Variants in TIAM2 observed in about 807,000 individuals in gnomAD.
TIAM2 encodes the protein TIAM Rac1 associated GEF 2.
Under a neutral mutation model 152.9 loss-of-function variants are expected in TIAM2, and 80 were observed. That is an observed-to-expected ratio of 0.52 (90% CI 0.44 to 0.63). The LOEUF is 0.63. Ranked by LOEUF, TIAM2 falls within the 30% of genes least tolerant of loss-of-function variation. The pLI is 0.00. For missense variants in TIAM2, 1,965 were observed against 2,120.1 expected (o/e 0.93, Z 1.44); for synonymous variants, 804 against 838.0 (o/e 0.96, Z 0.70).
chr6:155,256,558 T>C lies in TIAM2; in HGVS notation c.4543T>C (p.Leu1515=). 6.2e-7 allele frequency: 1 copy of C among 1,614,212 alleles called. No homozygotes were observed. The highest frequency in any genetic ancestry group is 8.5e-7 in the Non-Finnish European group (1 of 1,180,028). Residue 1515 remains leucine, a synonymous_variant, in exon 27 of 27, where the codon TTG becomes CTG. Coordinates refer to ENST00000682666, the MANE Select transcript of TIAM2 (RefSeq NM_012454.4). ...EWTGETGKGT[L]LDSDEGSLSS... is the part of the protein sequence containing the mutation. The stretch of plus-strand genomic sequence containing the variant: ...GACCGGTGAGACTGGCAAGGGAACC[T>C]TGCTGGACTCTGACGAGGGCAGCTT...
At chr6:155,074,005 A>G (rs986923404) in intron 1 of TIAM2, among the ~76,000 whole-genome samples, 3 of 152,108 alleles carry the variant, frequency 2.0e-5, no homozygotes, top group African/African-American at 7.2e-5. Context: ...CTTGTTGGGA[A>G]CTCAACGCTT....
At chr6:155,055,242 A>T (rs1490866593) in intron 1 of TIAM2, among the ~76,000 whole-genome samples, 1 of 152,190 alleles carries the variant, frequency 6.6e-6, no homozygotes, top group Non-Finnish European at 1.5e-5. Flanking sequence ...CACTTGCTGA[A>T]ATCAAAGTAC....
At chr6:155,086,754 A>T (rs75885316) in intron 1 of TIAM2, among the ~76,000 whole-genome samples, 31 of 150,850 alleles carry the variant, frequency 2.1e-4, no homozygotes, top group African/African-American at 7.5e-4. Context: ...AATGACCAGT[A>T]GTTAAGCTGC....
intron 1 of TIAM2, among the ~76,000 whole-genome samples, chr6:155,034,716 T>C (rs1373965220): frequency 6.6e-6 from 1 of 152,216 alleles, no homozygotes; most frequent in Non-Finnish European, 1.5e-5. Context: ...TGAGAGCCCA[T>C]GTTTGATTCC....
intron 2 of TIAM2, among the ~76,000 whole-genome samples, chr6:155,113,585 G>C (rs73004919): frequency 3.3e-5 from 5 of 151,978 alleles, no homozygotes; most frequent in Non-Finnish European, 5.9e-5. Context: ...TTAGCTGGGC[G>C]TTATGGTGGG....
At chr6:155,210,295 C>T (rs1221754297) in intron 14 of TIAM2, among the ~76,000 whole-genome samples, 17 of 141,498 alleles carry the variant, frequency 1.2e-4, no homozygotes, top group Admixed American at 4.2e-4. Flanking sequence ...AATTATTACC[C>T]CCTCCCCTTC....
At position 155,254,483 on chromosome 6, in the gene TIAM2, C is replaced by T. The variant is rs779164175; in HGVS notation, c.4378C>T (p.Arg1460Cys). 21 of 1,613,976 alleles carry T rather than the reference C, an allele frequency of 1.3e-5. No individual in the cohort carries two copies. Among genetic ancestry groups the T allele is most frequent in the Middle Eastern group, 1.6e-4 (1 of 6,084 alleles). ...IRSILRENFR[R>C]HIKCELPLEK... The stretch of plus-strand genomic sequence containing the variant: ...TTCTATTCTGAGGGAGAACTTCAGG[C>T]GTCACATAAAGTGTGAATTACCACT... The change falls in exon 26 of 27, where the codon CGT becomes TGT. Residue 1460 changes from arginine (R) to cysteine (C), a missense_variant. This residue lies in a region of TIAM2 where 935 missense variants were observed against 980.0 expected (regional missense o/e 0.95). Coordinates refer to ENST00000682666, the MANE Select transcript of TIAM2 (RefSeq NM_012454.4).
intron 2 of TIAM2, among the ~76,000 whole-genome samples, chr6:155,093,823 T>A (rs961734939): frequency 2.0e-5 from 3 of 152,212 alleles, no homozygotes; most frequent in Admixed American, 2.0e-4. Context: ...TGCCTGATTA[T>A]CTGCTTTCCT....
intron 15 of TIAM2, among the ~76,000 whole-genome samples, chr6:155,215,970 G>T (rs546500059): frequency 6.6e-6 from 1 of 151,888 alleles, no homozygotes; most frequent in Non-Finnish European, 1.5e-5. Flanking sequence ...ACCATGCCCG[G>T]ATAATTTTGT....
chr6:155,243,907 C>A, intron 16 of TIAM2, 104 bp from the exon 17 acceptor site: 3 of 642,356 alleles, frequency 4.7e-6, no homozygotes, highest in East Asian at 7.1e-5. Flanking sequence ...ACTTCATTAT[C>A]CTGATGGGAG....
At chr6:155,247,452 C>G (rs1783399157) in intron 19 of TIAM2, among the ~76,000 whole-genome samples, 1 of 151,954 alleles carries the variant, frequency 6.6e-6, no homozygotes, top group Admixed American at 6.5e-5. Context: ...CCTCAGCCTC[C>G]TGAGTAGCTG....
intron 1 of TIAM2, among the ~76,000 whole-genome samples, chr6:155,007,247 G>T (rs1421476977): frequency 6.6e-6 from 1 of 152,166 alleles, no homozygotes; most frequent in African/African-American, 2.4e-5. Flanking sequence ...ATAGGATTGT[G>T]AGGATCTAAC....
chr6:155,240,763 G>A, intron 16 of TIAM2, 54 bp downstream of exon 16: 2 of 1,553,184 alleles, frequency 1.3e-6, no homozygotes, highest in Non-Finnish European at 1.7e-6. Flanking sequence ...ATGGCAAGTG[G>A]TATGCTGGCA....
chr6:155,206,336 C>T (rs1781593934), intron 14 of TIAM2, among the ~76,000 whole-genome samples: 2 of 152,322 alleles, frequency 1.3e-5, no homozygotes, highest in South Asian at 4.1e-4. Context: ...CAACCTCCAC[C>T]TCCCGGGTTC....
rs867525098 is a variant in TIAM2 at position 155,077,350 on chromosome 6, G to T, written c.-208-12939G>T. On this transcript the variant is annotated intron_variant, in intron 1 of 26. Transcript: ENST00000682666. ...ATTGCTATTGATTTTAGAATATTAAGAAAATATTTTTAGAATATTACTATA... is the reference window on the plus strand; with the variant it reads ...ATTGCTATTGATTTTAGAATATTAATAAAATATTTTTAGAATATTACTATA... 1.1e-4 allele frequency among the ~76,000 whole-genome samples: 16 copies of T among 152,126 alleles called. No homozygotes were observed. In the Middle Eastern group the frequency reaches 0.014, roughly 129 times the overall value.
Position 155,186,890 on chromosome 6 carries a change from C to G in TIAM2, c.3064+3390C>G, listed in dbSNP as rs1392449153. ...AGAGCCTGCCTTTCCCTAAATTTCA[C>G]TTTCCCTTGGCATTGCTAGAAGGCA... On this transcript the variant is annotated intron_variant, in intron 14 of 26. Transcript: ENST00000682666. The surrounding 1 kb of genome is among the most constrained non-coding windows in gnomAD (Gnocchi z 4.5). Among the ~76,000 whole-genome samples, 2 of 152,190 alleles carry G rather than the reference C, an allele frequency of 1.3e-5. No homozygotes were observed. The highest frequency in any genetic ancestry group is 3.8e-4 in the East Asian group (2 of 5,202).
At position 155,240,654 on chromosome 6, in the gene TIAM2, A is replaced by G; in HGVS notation, c.3293A>G (p.Asp1098Gly). The stretch of plus-strand genomic sequence containing the variant: ...CTGGCCCGCCACCTGTCTGATGCAG[A>G]CCGCCTCCGCAAAGTCATCCAGGAG... ...RSLARHLSDA[D>G]RLRKVIQELV... The change falls in exon 16 of 27, where the codon GAC becomes GGC. Residue 1098 changes from aspartate (D) to glycine (G), a missense_variant. By Grantham distance (94) the Asp-to-Gly change is moderately conservative. This residue lies in a region of TIAM2 where 935 missense variants were observed against 980.0 expected (regional missense o/e 0.95). Coordinates refer to ENST00000682666, the MANE Select transcript of TIAM2 (RefSeq NM_012454.4). 1 of 1,613,980 alleles carries G rather than the reference A, an allele frequency of 6.2e-7. No homozygotes were observed. The highest frequency in any genetic ancestry group is 8.5e-7 in the Non-Finnish European group (1 of 1,180,038).
chr6:155,218,920 CCG>C lies in TIAM2; in HGVS notation c.3168+7614_3168+7615del. Among the ~76,000 whole-genome samples, 1 of 144,974 alleles carries C rather than the reference CCG, an allele frequency of 6.9e-6. No individual in the cohort carries two copies. Among genetic ancestry groups the C allele is most frequent in the Non-Finnish European group, 1.5e-5 (1 of 66,176 alleles). On this transcript the variant is annotated intron_variant, in intron 15 of 26. Transcript: ENST00000682666. This position sits in a 1 kb window ranked among gnomAD's most constrained non-coding sequence, Gnocchi z 4.5. Reference sequence around the variant, plus strand: ...CCACCCGTGTTCTTGACCATCTCAGCCGTGTTCTTGACCATCTCAGCCGCCCA... The same window carrying C: ...CCACCCGTGTTCTTGACCATCTCAGCTGTTCTTGACCATCTCAGCCGCCCA...
chr6:155,231,054 C>A (rs1010701485), intron 15 of TIAM2, among the ~76,000 whole-genome samples: 1 of 151,462 alleles, frequency 6.6e-6, no homozygotes, highest in African/African-American at 2.4e-5. Context: ...GTTGGCCAGG[C>A]TGGTCTCAGA....
Sources: allele counts gnomAD v4.1 joint callset (sites outside exome capture counted in the v4.1 genomes callset), GRCh38; gene constraint gnomAD v4.1.1; regional missense constraint gnomAD v4.1.1; non-coding constraint Gnocchi (gnomAD v3.1); transcripts MANE v1.5; gene names NCBI Gene and HGNC (gene_info 2026-07-23, HGNC 2026-07-21).